Variants in CDK6 observed in about 807,000 individuals in gnomAD.
The protein encoded by CDK6 is cyclin dependent kinase 6, also known as cyclin-dependent kinase 6.
Under a neutral mutation model 37.1 loss-of-function variants are expected in CDK6, and 6 were observed. The observed-to-expected ratio is 0.16, with a 90% CI of 0.09 to 0.32. CDK6 has a LOEUF of 0.32. CDK6 is among the 10% of genes least tolerant of loss of function. The probability of loss-of-function intolerance (pLI) is 1.00; values close to 1 mark genes in which losing one functional copy is unlikely to be tolerated. For synonymous variants in CDK6, 160 were observed against 161.3 expected (o/e 0.99, Z 0.06); for missense variants, 224 against 418.9 (o/e 0.53, Z 4.06).
intron 2 of CDK6, among the ~76,000 whole-genome samples, chr7:92,791,000 T>C (rs931570950): frequency 2.0e-5 from 3 of 152,060 alleles, no homozygotes; most frequent in African/African-American, 7.2e-5. Context: ...TCTGATGACA[T>C]GGGTAAGGGG....
chr7:92,616,780 A>G (rs1795690669), intron 7 of CDK6, among the ~76,000 whole-genome samples: 1 of 152,222 alleles, frequency 6.6e-6, no homozygotes, highest in Non-Finnish European at 1.5e-5. Context: ...CCTCACAGCT[A>G]CACTGATGGC....
intron 2 of CDK6, among the ~76,000 whole-genome samples, chr7:92,787,286 C>T (rs2115840128): frequency 6.6e-6 from 1 of 150,644 alleles, no homozygotes; most frequent in South Asian, 2.1e-4. Context: ...AAACTTTCTA[C>T]TGTGAGAACC....
In CDK6 at chr7:92,725,616, TCTCA is replaced by T. The variant is rs1263402568; in HGVS notation, c.537+6_537+9del. Reference sequence around the variant, plus strand: ...TAAGTTTAATAAAAGGACAGCACTCTCTCACTCACCACTGAGGTTAGAGCCATCT... The same window carrying T: ...TAAGTTTAATAAAAGGACAGCACTCTCTCACCACTGAGGTTAGAGCCATCT... On this transcript the variant is annotated splice_donor_region_variant and intron_variant, in intron 4 of 7. Coordinates refer to ENST00000424848, the MANE Select transcript of CDK6 (RefSeq NM_001145306.2). The T allele has an allele frequency of 1.2e-6, 2 of 1,608,874 alleles. No homozygotes were observed. The highest frequency in any genetic ancestry group is 2.7e-5 in the African/African-American group (2 of 74,634).
Position 92,671,453 on chromosome 7 carries a change from C to T in CDK6, c.620G>A (p.Cys207Tyr), listed in dbSNP as rs2116602729. 1.3e-6 allele frequency: 2 copies of T among 1,575,790 alleles called. No individual in the cohort carries two copies. The highest frequency in any genetic ancestry group is 1.7e-6 in the Non-Finnish European group (2 of 1,161,046). The change falls in exon 5 of 8, where the codon TGC (cysteine) becomes TAC (tyrosine). Residue 207 changes from cysteine (C) to tyrosine (Y), a missense_variant. Coordinates refer to ENST00000424848, the MANE Select transcript of CDK6 (RefSeq NM_001145306.2). ...ATPVDLWSVGCIFAEMFRRKP... is the reference protein window; with the variant it reads ...ATPVDLWSVGYIFAEMFRRKP... ...TCTACGAAACATTTCTGCAAATATG[C>T]AGCCAACACTCCAGAGATCCACGGG...
Position 92,787,981 on chromosome 7 carries a change from G to C in CDK6, c.234-13150C>G, listed in dbSNP as rs192359830. Among the ~76,000 whole-genome samples, 445 of 152,124 alleles carry C rather than the reference G, an allele frequency of 2.9e-3. 1 individual carries two copies. Among genetic ancestry groups the C allele is most frequent in the African/African-American group, 0.01 (418 of 41,508 alleles). ...CAAAATTTCTGGGAATTATTGTGTTGAGAACTAAGAAAAATGCTAGAAATA... is the reference window on the plus strand; with the variant it reads ...CAAAATTTCTGGGAATTATTGTGTTCAGAACTAAGAAAAATGCTAGAAATA... On this transcript the variant is annotated intron_variant, in intron 2 of 7. Transcript: ENST00000424848.
chr7:92,683,655 T>C (rs1797384827), intron 4 of CDK6, among the ~76,000 whole-genome samples: 1 of 151,112 alleles, frequency 6.6e-6, no homozygotes. Flanking sequence ...GCCACAACAT[T>C]TCCCAGTAAT....
At chr7:92,793,889 T>C (rs1234920853) in intron 2 of CDK6, among the ~76,000 whole-genome samples, 2 of 152,026 alleles carry the variant, frequency 1.3e-5, no homozygotes, top group African/African-American at 4.8e-5. Context: ...TGGCTGCTAA[T>C]GGGTATGGGG....
intron 2 of CDK6, among the ~76,000 whole-genome samples, chr7:92,793,062 T>C (rs1208742947): frequency 1.3e-5 from 2 of 152,126 alleles, no homozygotes; most frequent in Non-Finnish European, 2.9e-5. Flanking sequence ...AAGAGTTCTC[T>C]GTACAGTGAA....
At chr7:92,727,843 G>GTAGCACAAA (rs1798549764) in intron 3 of CDK6, among the ~76,000 whole-genome samples, 1 of 152,132 alleles carries the variant, frequency 6.6e-6, no homozygotes, top group Non-Finnish European at 1.5e-5. Context: ...ATAAACAGGA[G>GTAGCACAAA]TGTGAAAATG....
intron 4 of CDK6, among the ~76,000 whole-genome samples, chr7:92,709,018 ATAAAG>A (rs1798027616): frequency 6.6e-6 from 1 of 152,138 alleles, no homozygotes. Context: ...TATTTATCTC[ATAAAG>A]TAAATTTCAT....
At chr7:92,748,438 ATGATCAGTT>A (rs1799110988) in intron 3 of CDK6, among the ~76,000 whole-genome samples, 1 of 152,324 alleles carries the variant, frequency 6.6e-6, no homozygotes, top group African/African-American at 2.4e-5. Flanking sequence ...GTATAGTTCT[ATGATCAGTT>A]GAAAAGCACA....
chr7:92,752,744 C>T (rs1335146758), intron 3 of CDK6, among the ~76,000 whole-genome samples: 1 of 152,174 alleles, frequency 6.6e-6, no homozygotes, highest in Non-Finnish European at 1.5e-5. Flanking sequence ...CTGAATACCA[C>T]AGGAGTTAGT....
intron 2 of CDK6, among the ~76,000 whole-genome samples, chr7:92,785,248 T>C (rs917432149): frequency 3.3e-5 from 5 of 152,210 alleles, no homozygotes; most frequent in African/African-American, 1.2e-4. Context: ...TGGATAAACC[T>C]TAAAGGGATT....
intron 3 of CDK6, among the ~76,000 whole-genome samples, chr7:92,732,107 A>AAC (rs1158072933): frequency 2.0e-5 from 3 of 152,184 alleles, no homozygotes. Context: ...TCCCCATTTC[A>AAC]ACACACACTT....
intron 4 of CDK6, among the ~76,000 whole-genome samples, chr7:92,709,939 TCAA>T (rs1265245401): frequency 6.6e-6 from 1 of 152,232 alleles, no homozygotes; most frequent in African/African-American, 2.4e-5. Flanking sequence ...CTTTCTGCTT[TCAA>T]CATATGTGGA....
At chr7:92,643,515 T>C (rs1386061714) in intron 5 of CDK6, among the ~76,000 whole-genome samples, 2 of 152,214 alleles carry the variant, frequency 1.3e-5, no homozygotes, top group African/African-American at 2.4e-5. Context: ...GTAAGTGTTA[T>C]GAAGAAAATA....
At chr7:92,700,081 A>T (rs940148936) in intron 4 of CDK6, among the ~76,000 whole-genome samples, 5 of 152,192 alleles carry the variant, frequency 3.3e-5, no homozygotes, top group Admixed American at 6.5e-5. Context: ...GGATAGGGGT[A>T]TCTAGTGTTA....
intron 2 of CDK6, among the ~76,000 whole-genome samples, chr7:92,784,722 G>C (rs1269182775): frequency 6.6e-6 from 1 of 152,178 alleles, no homozygotes; most frequent in African/African-American, 2.4e-5. Flanking sequence ...TAAACTAGTG[G>C]TGCCTCTTTG....
intron 5 of CDK6, among the ~76,000 whole-genome samples, chr7:92,661,558 GA>G (rs1446941656): frequency 6.6e-6 from 1 of 152,130 alleles, no homozygotes; most frequent in African/African-American, 2.4e-5. Context: ...GCAGAGAAAG[GA>G]AATGTTATTA....
Sources: allele counts gnomAD v4.1 joint callset (sites outside exome capture counted in the v4.1 genomes callset), GRCh38; gene constraint gnomAD v4.1.1; transcripts MANE v1.5; gene names NCBI Gene and HGNC (gene_info 2026-07-23, HGNC 2026-07-21).